CREBBP: variants seen among roughly 807,000 people sequenced by gnomAD.
The protein encoded by CREBBP is CREB-binding protein.
In CREBBP, 19 loss-of-function variants were observed where a neutral mutation model predicts 265.0. The ratio of observed to expected loss-of-function variants is 0.07; its 90% CI spans 0.05 to 0.11. The LOEUF (loss-of-function observed/expected upper bound fraction) is 0.11, where lower values mean the gene tolerates loss of function less well. Ranked by LOEUF, CREBBP falls within the 10% of genes least tolerant of loss-of-function variation. CREBBP has a pLI of 1.00. For synonymous variants in CREBBP, 1,457 were observed against 1,223.7 expected (o/e 1.19, Z -3.98); for missense variants, 2,525 against 3,219.0 (o/e 0.78, Z 5.22).
At chr16:3,790,771 G>GC in intron 5 of CREBBP, among the ~76,000 whole-genome samples, 1 of 152,202 alleles carries the variant, frequency 6.6e-6, no homozygotes, top group South Asian at 2.1e-4. Context: ...AGGAAGCAGG[G>GC]TCAGCGTCAG....
chr16:3,858,534 G>A (rs2055009123), intron 1 of CREBBP, among the ~76,000 whole-genome samples: 1 of 152,202 alleles, frequency 6.6e-6, no homozygotes, highest in Non-Finnish European at 1.5e-5. Flanking sequence ...CAGGGATCCT[G>A]TCTTGCTTAT....
At chr16:3,744,634 C>T (rs922789302) in intron 23 of CREBBP, among the ~76,000 whole-genome samples, 9 of 152,234 alleles carry the variant, frequency 5.9e-5, no homozygotes, top group African/African-American at 2.2e-4. Context: ...GAAGCACAGA[C>T]TTCAGGGACT....
chr16:3,851,897 G>T (rs1364196845), intron 1 of CREBBP, among the ~76,000 whole-genome samples: 1 of 146,310 alleles, frequency 6.8e-6, no homozygotes, highest in African/African-American at 2.5e-5. Context: ...CATTAGCCGG[G>T]CATGGTGGCG....
At chr16:3,858,213 G>A (rs1170027656) in intron 1 of CREBBP, among the ~76,000 whole-genome samples, 3 of 152,182 alleles carry the variant, frequency 2.0e-5, no homozygotes, top group Non-Finnish European at 4.4e-5. Context: ...CACCAGGTGG[G>A]TGGCTAAATC....
chr16:3,863,016 A>AG (rs2055108823), intron 1 of CREBBP, among the ~76,000 whole-genome samples: 1 of 152,248 alleles, frequency 6.6e-6, no homozygotes, highest in Non-Finnish European at 1.5e-5. Flanking sequence ...GTTTGAATTA[A>AG]GGGGAAATAA....
chr16:3,876,059 G>C (rs754931286), intron 1 of CREBBP, among the ~76,000 whole-genome samples: 6 of 151,922 alleles, frequency 3.9e-5, no homozygotes, highest in Admixed American at 6.6e-5. Context: ...TTCCCCCAGA[G>C]ACAGGGTCTC....
In CREBBP at chr16:3,731,402, G is replaced by C. The variant is rs779912293; in HGVS notation, c.4962C>G (p.Pro1654=). ...CATCCATGAGGTCACAGCTGAGCAGGGGGTCGGGGTCGACGATGGGGGGCA... is the reference window on the plus strand; with the variant it reads ...CATCCATGAGGTCACAGCTGAGCAGCGGGTCGGGGTCGACGATGGGGGGCA... ...NTLPPIVDPD[P]LLSCDLMDGR... Residue 1654 remains proline, a synonymous_variant, in exon 30 of 31, where the codon CCC becomes CCG. Coordinates refer to ENST00000262367, the MANE Select transcript of CREBBP (RefSeq NM_004380.3). The surrounding 1 kb of genome is among the most constrained non-coding windows in gnomAD (Gnocchi z 7.7). 6.2e-7 allele frequency: 1 copy of C among 1,609,040 alleles called. No homozygotes were observed. Among genetic ancestry groups the C allele is most frequent in the South Asian group, 1.1e-5 (1 of 90,182 alleles).
intron 15 of CREBBP, among the ~76,000 whole-genome samples, chr16:3,768,153 T>TG (rs1288776468): frequency 1.0e-4 from 12 of 119,572 alleles, no homozygotes; most frequent in Non-Finnish European, 1.9e-4. Context: ...TTTTTTTTTT[T>TG]TTTTTTTTTT....
At chr16:3,777,298 G>A (rs2053165671) in intron 11 of CREBBP, among the ~76,000 whole-genome samples, 1 of 152,000 alleles carries the variant, frequency 6.6e-6, no homozygotes, top group African/African-American at 2.4e-5. Context: ...TGGAGCCACT[G>A]CACTCCAGCC....
intron 1 of CREBBP, among the ~76,000 whole-genome samples, chr16:3,875,992 G>A (rs948760220): frequency 5.3e-5 from 8 of 152,088 alleles, no homozygotes; most frequent in Admixed American, 3.9e-4. Context: ...CACTTATACA[G>A]CACAGGATGA....
intron 5 of CREBBP, among the ~76,000 whole-genome samples, chr16:3,788,437 G>T (rs1239717396): frequency 6.6e-6 from 1 of 152,198 alleles, no homozygotes; most frequent in African/African-American, 2.4e-5. Context: ...CTTCACAAGT[G>T]AGGCAGCATA....
chr16:3,841,456 A>G (rs2054565289), intron 2 of CREBBP, among the ~76,000 whole-genome samples: 1 of 152,084 alleles, frequency 6.6e-6, no homozygotes. Context: ...AAAGGTGTAT[A>G]TAAGAGAATC....
intron 6 of CREBBP, 62 bp from the exon 7 acceptor site, chr16:3,781,368 A>C: frequency 7.5e-7 from 1 of 1,333,992 alleles, no homozygotes; most frequent in South Asian, 1.2e-5. Context: ...CAAAGTTTTG[A>C]TGACAGATAA....
At chr16:3,750,270 G>A (rs962365752) in intron 20 of CREBBP, among the ~76,000 whole-genome samples, 4 of 152,176 alleles carry the variant, frequency 2.6e-5, no homozygotes, top group Non-Finnish European at 4.4e-5. Flanking sequence ...GATGACAAGG[G>A]AAATAAATTG....
intron 2 of CREBBP, among the ~76,000 whole-genome samples, chr16:3,848,803 C>G (rs541902899): frequency 6.6e-6 from 1 of 152,318 alleles, no homozygotes; most frequent in East Asian, 1.9e-4. Context: ...AATTCCTTCT[C>G]AATTGACACA....
intron 1 of CREBBP, 136 bp downstream of exon 1, chr16:3,879,696 C>T: frequency 3.2e-6 from 3 of 948,396 alleles, no homozygotes; most frequent in Admixed American, 2.0e-5. Context: ...CCGCGCGGGG[C>T]GAGGGGAACG....
Position 3,845,163 on chromosome 16 carries a change from C to G in CREBBP, c.798+5134G>C, listed in dbSNP as rs564316900. On this transcript the variant is annotated intron_variant, in intron 2 of 30. Transcript: ENST00000262367. ...TGAAAGTCATCTGAGGAACTACACA[C>G]TATACGAATGTTTCTACCATATCCC... 3.9e-5 allele frequency among the ~76,000 whole-genome samples: 6 copies of G among 152,342 alleles called. No homozygotes were observed. The South Asian group carries it at 1.2e-3, about 32-fold the overall frequency.
rs2051777098 is a variant in CREBBP at position 3,727,514 on chromosome 16, A to G, written c.*204T>C. ...CCCCCCCACCCCCCCGCCAAAAAAA[A>G]ACCAAAGAGAGAGACCAGATATTTA... is the stretch of plus-strand genomic sequence containing the variant. On this transcript the variant is annotated 3_prime_UTR_variant, in exon 31 of 31. Coordinates refer to ENST00000262367, the MANE Select transcript of CREBBP (RefSeq NM_004380.3). 6.1e-6 allele frequency: 1 copy of G among 164,146 alleles called. No individual in the cohort carries two copies. Among genetic ancestry groups the G allele is most frequent in the Admixed American group, 8.5e-5 (1 of 11,812 alleles). 10.2% of individuals were successfully genotyped at this position (164,146 alleles called of 1,614,324 possible).
rs1165479692 is a variant in CREBBP, at chr16:3,740,463, C to T, written c.4069G>A (p.Val1357Ile). The T allele has an allele frequency of 6.2e-7, 1 of 1,614,066 alleles. No homozygotes were observed. The highest frequency in any genetic ancestry group is 1.3e-5 in the African/African-American group (1 of 74,936). The change falls in exon 24 of 31, where the codon GTT (valine) becomes ATT (isoleucine). Residue 1357 changes from valine to isoleucine, a missense_variant. Physicochemically the swap from Val to Ile is conservative, Grantham distance 29 (BLOSUM62 3). Coordinates refer to ENST00000262367, the MANE Select transcript of CREBBP (RefSeq NM_004380.3). ...RRQNHPEAGE[V>I]FVRVVASSDK... ...GAGCTGGCCACCACTCGGACAAAAA[C>T]CTCCCCGGCTTCAGGGTGATTCTGG...
Sources: allele counts gnomAD v4.1 joint callset (sites outside exome capture counted in the v4.1 genomes callset), GRCh38; gene constraint gnomAD v4.1.1; non-coding constraint Gnocchi (gnomAD v3.1); transcripts MANE v1.5; gene names NCBI Gene and HGNC (gene_info 2026-07-23, HGNC 2026-07-21).